MCCC2: variants seen among roughly 807,000 people sequenced by gnomAD.
MCCC2 encodes the protein methylcrotonoyl-CoA carboxylase beta chain, mitochondrial.
In MCCC2, 52 loss-of-function variants were observed where a neutral mutation model predicts 77.2. The ratio of observed to expected loss-of-function variants is 0.67; its 90% CI spans 0.54 to 0.85. MCCC2 has a LOEUF of 0.85. Ranked by LOEUF, MCCC2 falls within the 40% of genes least tolerant of loss-of-function variation. The pLI is 0.00. For missense variants in MCCC2, 682 were observed against 703.2 expected, an observed-to-expected ratio of 0.97 and a Z score of 0.34; for synonymous variants, 253 against 248.4, an observed-to-expected ratio of 1.02 and a Z score of -0.18.
intron 1 of MCCC2, among the ~76,000 whole-genome samples, chr5:71,590,000 T>C (rs184643127): frequency 7.2e-5 from 11 of 152,286 alleles, no homozygotes; most frequent in African/African-American, 2.6e-4. Context: ...GGGAAACTTG[T>C]CAGTGGCTCA....
intron 16 of MCCC2, 74 bp downstream of exon 16, chr5:71,652,828 T>G: frequency 1.7e-6 from 2 of 1,189,320 alleles, no homozygotes; most frequent in African/African-American, 1.5e-5. Context: ...CAGAGCTCTG[T>G]GTAGTTGAGA....
intron 6 of MCCC2, among the ~76,000 whole-genome samples, chr5:71,606,450 GC>G (rs1172097243): frequency 6.6e-6 from 1 of 151,182 alleles, no homozygotes; most frequent in Admixed American, 6.6e-5. Flanking sequence ...TGCTGAAGTT[GC>G]TTATCAGCTT....
intron 6 of MCCC2, among the ~76,000 whole-genome samples, chr5:71,621,124 C>T (rs1746335066): frequency 6.6e-6 from 1 of 152,114 alleles, no homozygotes; most frequent in Non-Finnish European, 1.5e-5. Flanking sequence ...TGTGGTACCA[C>T]CAGTGAATGC....
At chr5:71,640,287 T>G (rs988995797) in intron 10 of MCCC2, among the ~76,000 whole-genome samples, 1 of 152,126 alleles carries the variant, frequency 6.6e-6, no homozygotes, top group Admixed American at 6.5e-5. Flanking sequence ...TTATTTTTCT[T>G]TTTTCTACCC....
chr5:71,637,690 A>C (rs461690), intron 10 of MCCC2, among the ~76,000 whole-genome samples: 48,011 of 151,990 alleles, frequency 0.32, 8,779 homozygotes, highest in East Asian at 0.56. Flanking sequence ...TGTAGTATGC[A>C]ATACTGTTTG....
At chr5:71,620,582 A>G (rs979330351) in intron 6 of MCCC2, among the ~76,000 whole-genome samples, 1 of 152,112 alleles carries the variant, frequency 6.6e-6, no homozygotes, top group African/African-American at 2.4e-5. Context: ...GACCCTTTCC[A>G]TGGGGCAGGC....
At chr5:71,634,598 C>T (rs1007290701) in intron 8 of MCCC2, among the ~76,000 whole-genome samples, 12 of 152,284 alleles carry the variant, frequency 7.9e-5, no homozygotes, top group Admixed American at 7.2e-4. Context: ...GGGATGAGTA[C>T]TTAATAGAAG....
intron 5 of MCCC2, among the ~76,000 whole-genome samples, chr5:71,603,331 G>A (rs1745520958): frequency 6.7e-6 from 1 of 149,890 alleles, no homozygotes; most frequent in South Asian, 2.1e-4. Context: ...CAGGAGAATG[G>A]TGTGAACCTG....
In MCCC2 at chr5:71,656,945, A is replaced by C; in HGVS notation, c.*85A>C. 1 of 982,770 alleles carries C rather than the reference A, an allele frequency of 1.0e-6. No individual in the cohort carries two copies. Among genetic ancestry groups the C allele is most frequent in the Admixed American group, 1.7e-5 (1 of 58,562 alleles). The allele number at this position is 982,770 out of a possible 1,614,324, so 60.9% of individuals were successfully genotyped here. A position where few individuals can be genotyped will look rare whatever the true frequency, so the allele number is the denominator to read the frequency against. ...TAAAATTTTAGACTTCTCGAACATG[A>C]GGCTGTTACAGTAATTTTTTTAACA... On this transcript the variant is annotated 3_prime_UTR_variant, in exon 17 of 17. Transcript: ENST00000340941.
At chr5:71,608,519 A>G (rs2112346972) in intron 6 of MCCC2, among the ~76,000 whole-genome samples, 1 of 148,142 alleles carries the variant, frequency 6.8e-6, no homozygotes, top group Admixed American at 6.8e-5. Context: ...ATGGGTCTTG[A>G]CTCTTTATCC....
chr5:71,621,195 AAAGAAGCAGATACAGG>A (rs1290598237), intron 6 of MCCC2, among the ~76,000 whole-genome samples: 1 of 150,724 alleles, frequency 6.6e-6, no homozygotes, highest in African/African-American at 2.5e-5. Context: ...TTTGTGAGAG[AAAGAAGCAGATACAGG>A]AAGAAGCAGA....
chr5:71,644,278 T>C (rs1309051803), intron 12 of MCCC2, among the ~76,000 whole-genome samples: 5 of 152,152 alleles, frequency 3.3e-5, no homozygotes, highest in African/African-American at 1.2e-4. Context: ...TGAAAGTGCT[T>C]CATGTCCTGG....
intron 13 of MCCC2, among the ~76,000 whole-genome samples, chr5:71,648,649 T>G (rs1747339704): frequency 6.6e-6 from 1 of 152,218 alleles, no homozygotes; most frequent in South Asian, 2.1e-4. Flanking sequence ...TCAAGCTGCT[T>G]CTTTGACATC....
At position 71,658,622 on chromosome 5, in the gene MCCC2, C is replaced by G. The variant is rs1277945362; in HGVS notation, c.*1762C>G. ...CCATATTGTAATTGATGTCCTCTGG[C>G]CACATAGTTTTAAAATTAGGTGATT... On this transcript the variant is annotated 3_prime_UTR_variant, in exon 17 of 17. Coordinates refer to ENST00000340941, the MANE Select transcript of MCCC2 (RefSeq NM_022132.5). The G allele has an allele frequency of 1.3e-5, 2 of 152,138 alleles. No individual in the cohort carries two copies. Among genetic ancestry groups the G allele is most frequent in the Non-Finnish European group, 2.9e-5 (2 of 68,026 alleles). 9.4% of individuals were successfully genotyped at this position (152,138 alleles called of 1,614,324 possible).
At chr5:71,646,190 T>G (rs1193100658) in intron 12 of MCCC2, 21 bp from the exon 13 acceptor site, 1 of 1,606,908 alleles carries the variant, frequency 6.2e-7, no homozygotes, top group Non-Finnish European at 8.5e-7. Flanking sequence ...TTAAAAAGAT[T>G]TTTATGTTAT....
intron 10 of MCCC2, among the ~76,000 whole-genome samples, chr5:71,638,826 A>G (rs941375620): frequency 6.6e-6 from 1 of 152,140 alleles, no homozygotes; most frequent in African/African-American, 2.4e-5. Flanking sequence ...CGGCCCAGGA[A>G]ATGTATTTCT....
intron 8 of MCCC2, among the ~76,000 whole-genome samples, chr5:71,632,924 T>G (rs1746768892): frequency 6.6e-6 from 1 of 152,022 alleles, no homozygotes; most frequent in Admixed American, 6.5e-5. Flanking sequence ...ACATGTGGAT[T>G]GCTTTAGAAT....
rs1199145486 is a variant in MCCC2, at chr5:71,634,954, T to G, written c.815T>G (p.Val272Gly). The G allele has an allele frequency of 3.1e-6, 5 of 1,614,074 alleles. No homozygotes were observed. The highest frequency in any genetic ancestry group is 4.2e-6 in the Non-Finnish European group (5 of 1,179,990). Residue 272 changes from valine to glycine, a missense_variant, in exon 9 of 17, where the codon GTA becomes GGA. Physicochemically the swap from Val to Gly is moderately radical, Grantham distance 109. Coordinates refer to ENST00000340941, the MANE Select transcript of MCCC2 (RefSeq NM_022132.5). ...TGCTTATTCTGTAGAAAGTCTGGAGTAAGTGACCACTGGGCTTTGGATGAT... is the reference window on the plus strand; with the variant it reads ...TGCTTATTCTGTAGAAAGTCTGGAGGAAGTGACCACTGGGCTTTGGATGAT... ...GADLHCRKSG[V>G]SDHWALDDHH...
intron 6 of MCCC2, among the ~76,000 whole-genome samples, chr5:71,615,350 G>C (rs1230364080): frequency 6.6e-6 from 1 of 152,144 alleles, no homozygotes; most frequent in Non-Finnish European, 1.5e-5. Flanking sequence ...AGTTTCACCA[G>C]CCTAGAGACC....
Sources: allele counts gnomAD v4.1 joint callset (sites outside exome capture counted in the v4.1 genomes callset), GRCh38; gene constraint gnomAD v4.1.1; transcripts MANE v1.5; gene names NCBI Gene and HGNC (gene_info 2026-07-23, HGNC 2026-07-21).